CHIC1: variants seen among roughly 807,000 people sequenced by gnomAD.
CHIC1 encodes cysteine rich hydrophobic domain 1.
A neutral mutation model predicts 18.5 loss-of-function variants in CHIC1; 7 were observed. The observed-to-expected ratio is 0.38, with a 90% CI of 0.22 to 0.71. The LOEUF (loss-of-function observed/expected upper bound fraction) is 0.71. CHIC1 is among the 30% of genes least tolerant of loss of function. The pLI is 0.49. For synonymous variants in CHIC1, 77 were observed against 73.5 expected (o/e 1.05, Z -0.25); for missense variants, 159 against 176.9 (o/e 0.90, Z 0.57).
chrX:73,668,600 T>A (rs374576993), intron 3 of CHIC1, among the ~76,000 whole-genome samples: 43 of 111,880 alleles, frequency 3.8e-4, no homozygotes, highest in African/African-American at 1.3e-3. Flanking sequence ...CTCTGTTCCA[T>A]AGGGCTGCTG....
At chrX:73,674,682 C>T (rs997420080) in intron 3 of CHIC1, among the ~76,000 whole-genome samples, 3 of 111,526 alleles carry the variant, frequency 2.7e-5, no homozygotes, top group Non-Finnish European at 3.8e-5. Flanking sequence ...TTCAGAAAAC[C>T]AGCTCCTGGA....
At chrX:73,656,983 T>A (rs1421354903) in intron 3 of CHIC1, among the ~76,000 whole-genome samples, 3 of 111,154 alleles carry the variant, frequency 2.7e-5, no homozygotes, top group Non-Finnish European at 5.7e-5. Flanking sequence ...CTTTGAGCAG[T>A]GTTTTGTAGC....
At chrX:73,671,822 A>G (rs2058032292) in intron 3 of CHIC1, among the ~76,000 whole-genome samples, 1 of 108,491 alleles carries the variant, frequency 9.2e-6, no homozygotes. Context: ...CACAACATGC[A>G]GGTTTGTTAC....
intron 3 of CHIC1, among the ~76,000 whole-genome samples, chrX:73,632,763 C>CTTTTTTTTT (rs778008597): frequency 9.4e-5 from 6 of 63,654 alleles, no homozygotes; most frequent in Non-Finnish European, 1.8e-4. Flanking sequence ...TATTGTTATT[C>CTTTTTTTTT]TTTTTTTTTT....
At chrX:73,673,394 T>C (rs1256875610) in intron 3 of CHIC1, among the ~76,000 whole-genome samples, 1 of 112,030 alleles carries the variant, frequency 8.9e-6, no homozygotes, top group Non-Finnish European at 1.9e-5. Flanking sequence ...GGAATGTTCT[T>C]CCATTTGTTT....
At chrX:73,630,470 A>G (rs2057801995) in intron 3 of CHIC1, among the ~76,000 whole-genome samples, 1 of 111,340 alleles carries the variant, frequency 9.0e-6, no homozygotes, top group Admixed American at 9.6e-5. Context: ...AATTTTGTTA[A>G]TGTTCTTTCT....
At chrX:73,580,810 C>G (rs766655329) in intron 2 of CHIC1, among the ~76,000 whole-genome samples, 1 of 110,615 alleles carries the variant, frequency 9.0e-6, no homozygotes, top group Non-Finnish European at 1.9e-5. Flanking sequence ...TTTATGCCTG[C>G]CTGATGCCTG....
Position 73,609,941 on chromosome X carries a change from T to C in CHIC1, c.507+25369T>C, listed in dbSNP as rs745358936. Reference sequence around the variant, plus strand: ...CGCTGGCATTCCAGGTGCCACTGGGTATGAAAACATTCATACCCAGTGCTA... The same window carrying C: ...CGCTGGCATTCCAGGTGCCACTGGGCATGAAAACATTCATACCCAGTGCTA... On this transcript the variant is annotated intron_variant, in intron 3 of 5. Coordinates refer to ENST00000373502, the MANE Select transcript of CHIC1 (RefSeq NM_001039840.4). Among the ~76,000 whole-genome samples, 3 of 108,204 alleles carry C rather than the reference T, an allele frequency of 2.8e-5. No individual in the cohort carries two copies. The East Asian group carries it at 8.6e-4, about 31-fold the overall frequency. The allele number at this position is 108,204 out of a possible 115,157, so 94.0% of individuals were successfully genotyped here. A position where few individuals can be genotyped will look rare whatever the true frequency, so the allele number is the denominator to read the frequency against.
At chrX:73,670,070 A>T (rs1343877748) in intron 3 of CHIC1, among the ~76,000 whole-genome samples, 2 of 111,182 alleles carry the variant, frequency 1.8e-5, no homozygotes, top group Admixed American at 9.5e-5. Context: ...TCACAAGGAG[A>T]TCTCCTGACC....
rs1479893762 is a variant in CHIC1, at chrX:73,670,644, T to C, written c.508-8682T>C. 2.7e-5 allele frequency among the ~76,000 whole-genome samples: 3 copies of C among 111,395 alleles called. No homozygotes were observed. The Admixed American group carries it at 2.9e-4, about 11-fold the overall frequency. On this transcript the variant is annotated intron_variant, in intron 3 of 5. Transcript: ENST00000373502. ...ATTCTTTCTTTCAAATCTACTGTTT[T>C]GATGTAGGCATTTATTGCTATAAAC... is the stretch of plus-strand genomic sequence containing the variant.
intron 3 of CHIC1, among the ~76,000 whole-genome samples, chrX:73,647,067 A>G (rs183856225): frequency 7.0e-4 from 78 of 111,931 alleles, no homozygotes; most frequent in African/African-American, 2.2e-3. Context: ...CACTTTACCC[A>G]TGGTATGTCT....
In CHIC1 at chrX:73,592,210, C is replaced by A. The variant is rs576538177; in HGVS notation, c.507+7638C>A. 8.1e-4 allele frequency among the ~76,000 whole-genome samples: 90 copies of A among 110,740 alleles called. 1 individual carries two copies. The South Asian group carries it at 0.034, about 42-fold the overall frequency. ...TTTATTTTTTTGTCTTGACTGATTG[C>A]TCTGTCTAGGACTTCCAGTACTGTG... On this transcript the variant is annotated intron_variant, in intron 3 of 5. Transcript: ENST00000373502.
intron 1 of CHIC1, among the ~76,000 whole-genome samples, chrX:73,573,358 T>G (rs1239324907): frequency 2.7e-5 from 3 of 111,812 alleles, no homozygotes; most frequent in Non-Finnish European, 5.7e-5. Context: ...TAGTATAGTT[T>G]GAAGTCAGGT....
intron 2 of CHIC1, among the ~76,000 whole-genome samples, chrX:73,578,240 A>G (rs1457689444): frequency 9.0e-6 from 1 of 110,801 alleles, no homozygotes; most frequent in Non-Finnish European, 1.9e-5. Context: ...AAAAGAAACT[A>G]TATTTGGAAG....
chrX:73,586,727 G>A (rs1287778618), intron 3 of CHIC1, among the ~76,000 whole-genome samples: 1 of 111,328 alleles, frequency 9.0e-6, no homozygotes, highest in African/African-American at 3.3e-5. Flanking sequence ...TTTTGTTTTT[G>A]TTTTTGTCTT....
intron 3 of CHIC1, among the ~76,000 whole-genome samples, chrX:73,652,298 G>A (rs952869332): frequency 2.7e-5 from 3 of 111,985 alleles, no homozygotes; most frequent in Non-Finnish European, 5.6e-5. Flanking sequence ...AAAAAACCTA[G>A]GCAATAACAT....
chrX:73,649,401 G>C (rs140458022), intron 3 of CHIC1, among the ~76,000 whole-genome samples: 2 of 111,391 alleles, frequency 1.8e-5, no homozygotes, highest in Non-Finnish European at 3.8e-5. Context: ...AGACAGAGTG[G>C]CACATTGGAT....
intron 3 of CHIC1, among the ~76,000 whole-genome samples, chrX:73,657,691 T>C (rs190953754): frequency 1.8e-4 from 20 of 112,122 alleles, no homozygotes; most frequent in African/African-American, 6.2e-4. Flanking sequence ...TCTTGTGTTT[T>C]CCCAATTTTC....
At chrX:73,600,007 G>T (rs1317261547) in intron 3 of CHIC1, among the ~76,000 whole-genome samples, 1 of 98,985 alleles carries the variant, frequency 1.0e-5, no homozygotes, top group African/African-American at 4.4e-5. Context: ...CTTTTATTTC[G>T]TTGAGCAGTG....
Sources: gnomAD v4.1 joint callset for allele counts (sites outside exome capture counted in the v4.1 genomes callset) on GRCh38, gnomAD v4.1.1 for gene constraint, MANE v1.5 for transcripts, NCBI Gene and HGNC (gene_info 2026-07-23, HGNC 2026-07-21) for gene names.